The following PRKCA variants were observed in gnomAD, a reference collection of about 807,000 sequenced individuals.
PRKCA encodes protein kinase C alpha type.
In PRKCA, 27 loss-of-function variants were observed where a neutral mutation model predicts 87.0. The ratio of observed to expected loss-of-function variants is 0.31; its 90% CI spans 0.23 to 0.43. The LOEUF (loss-of-function observed/expected upper bound fraction) is 0.43, where lower values mean the gene tolerates loss of function less well. Among genes scored for constraint, PRKCA ranks in the 20% least tolerant of loss-of-function variants. The pLI is 1.00. For missense variants in PRKCA, 518 were observed against 852.3 expected (o/e 0.61, Z 4.88); for synonymous variants, 329 against 311.1 (o/e 1.06, Z -0.61).
At chr17:66,585,248 T>G (rs1969557732) in intron 3 of PRKCA, among the ~76,000 whole-genome samples, 1 of 152,152 alleles carries the variant, frequency 6.6e-6, no homozygotes, top group African/African-American at 2.4e-5. Context: ...CCTGCTTCTT[T>G]ATTGCACACC....
chr17:66,550,398 C>T (rs1968289116), intron 3 of PRKCA, among the ~76,000 whole-genome samples: 1 of 152,242 alleles, frequency 6.6e-6, no homozygotes, highest in South Asian at 2.1e-4. Context: ...TGTCTGTAAT[C>T]CCAACACTTT....
At chr17:66,545,237 G>A (rs1224227406) in intron 3 of PRKCA, among the ~76,000 whole-genome samples, 7 of 152,068 alleles carry the variant, frequency 4.6e-5, no homozygotes, top group South Asian at 2.1e-4. Context: ...GACCATCCTG[G>A]CTAACACGGT....
chr17:66,799,592 G>A (rs1379477301), intron 16 of PRKCA, among the ~76,000 whole-genome samples: 13 of 27,586 alleles, frequency 4.7e-4, no homozygotes, highest in Admixed American at 1.1e-3. Context: ...GATGGTGGTG[G>A]TGGTGATGGT....
At chr17:66,417,964 T>C (rs898099237) in intron 2 of PRKCA, among the ~76,000 whole-genome samples, 4 of 152,190 alleles carry the variant, frequency 2.6e-5, no homozygotes, top group Admixed American at 6.5e-5. Context: ...TGCACAGCAA[T>C]GTTGCACACT....
chr17:66,569,518 G>A (rs1969004744), intron 3 of PRKCA, among the ~76,000 whole-genome samples: 1 of 152,064 alleles, frequency 6.6e-6, no homozygotes, highest in Non-Finnish European at 1.5e-5. Context: ...GCAGTGAGCT[G>A]AGACCATGCC....
At chr17:66,556,715 C>G (rs1271786172) in intron 3 of PRKCA, among the ~76,000 whole-genome samples, 1 of 152,122 alleles carries the variant, frequency 6.6e-6, no homozygotes. Context: ...GGGGCTTCCC[C>G]CTTTGCTCAG....
intron 3 of PRKCA, among the ~76,000 whole-genome samples, chr17:66,562,802 G>A (rs950725341): frequency 1.3e-5 from 2 of 152,076 alleles, no homozygotes; most frequent in Non-Finnish European, 2.9e-5. Flanking sequence ...TCACCATGTT[G>A]GCCAGGCTAG....
At chr17:66,478,791 T>A (rs1915647311) in intron 2 of PRKCA, among the ~76,000 whole-genome samples, 1 of 152,186 alleles carries the variant, frequency 6.6e-6, no homozygotes, top group Non-Finnish European at 1.5e-5. Context: ...ATAGACTTTT[T>A]CTCTTGCAAC....
chr17:66,306,766 C>G (rs1426900767), intron 2 of PRKCA, among the ~76,000 whole-genome samples: 1 of 152,108 alleles, frequency 6.6e-6, no homozygotes, highest in Non-Finnish European at 1.5e-5. Flanking sequence ...TCACACACAT[C>G]GAATATCTAA....
chr17:66,698,372 A>G (rs1002395730), intron 8 of PRKCA, among the ~76,000 whole-genome samples: 5 of 152,218 alleles, frequency 3.3e-5, no homozygotes, highest in African/African-American at 1.2e-4. Context: ...TCAGAAAAAC[A>G]AGAGCTCAAT....
At chr17:66,471,645 A>ATTTT (rs554913573) in intron 2 of PRKCA, among the ~76,000 whole-genome samples, 55 of 137,910 alleles carry the variant, frequency 4.0e-4, no homozygotes, top group African/African-American at 1.2e-3. Flanking sequence ...CTGTTTTCTA[A>ATTTT]TTTTTTTTTT....
chr17:66,336,661 C>CTG (rs1567777782), intron 2 of PRKCA, among the ~76,000 whole-genome samples: 42 of 131,652 alleles, frequency 3.2e-4, no homozygotes, highest in African/African-American at 1.7e-3. Context: ...AAACATTTGC[C>CTG]TATATAGTAA....
At chr17:66,404,043 T>C (rs1217140146) in intron 2 of PRKCA, 1 of 152,232 alleles carries the variant, frequency 6.6e-6, no homozygotes, top group Non-Finnish European at 1.5e-5. Flanking sequence ...CGCTTCATCA[T>C]GTTGGAGGAA....
At chr17:66,550,297 C>G (rs1394284150) in intron 3 of PRKCA, among the ~76,000 whole-genome samples, 1 of 152,086 alleles carries the variant, frequency 6.6e-6, no homozygotes, top group African/African-American at 2.4e-5. Context: ...GAAAACGTGC[C>G]AAGTTTCTGC....
chr17:66,722,233 C>T (rs1449013935), intron 8 of PRKCA, among the ~76,000 whole-genome samples: 1 of 152,088 alleles, frequency 6.6e-6, no homozygotes, highest in African/African-American at 2.4e-5. Context: ...TTAAGTTAAA[C>T]CCTTTGAAAT....
intron 2 of PRKCA, among the ~76,000 whole-genome samples, chr17:66,467,721 C>CTAATTTTT (rs1186741904): frequency 3.3e-5 from 5 of 152,050 alleles, no homozygotes; most frequent in Non-Finnish European, 7.4e-5. Context: ...GTATGCCTAG[C>CTAATTTTT]TAATTTTTTA....
At chr17:66,562,455 C>T (rs1347724113) in intron 3 of PRKCA, among the ~76,000 whole-genome samples, 1 of 151,942 alleles carries the variant, frequency 6.6e-6, no homozygotes, top group Non-Finnish European at 1.5e-5. Flanking sequence ...CCCTGGAGGA[C>T]ACCTAAGGGG....
Position 66,689,447 on chromosome 17 carries a change from C to A in PRKCA, c.918+400C>A, listed in dbSNP as rs1175373233. Among the ~76,000 whole-genome samples, 1 of 152,188 alleles carries A rather than the reference C, an allele frequency of 6.6e-6. No homozygotes were observed. Among genetic ancestry groups the A allele is most frequent in the Non-Finnish European group, 1.5e-5 (1 of 68,032 alleles). On this transcript the variant is annotated intron_variant, in intron 8 of 16. Coordinates refer to ENST00000413366, the MANE Select transcript of PRKCA (RefSeq NM_002737.3). The surrounding 1 kb of genome is among the most constrained non-coding windows in gnomAD (Gnocchi z 4.1). Reference sequence around the variant, plus strand: ...GCTCATTTGTGTGTAATCAGGCTATCATCTGAGACTTTTTTTTTCTACAGA... The same window carrying A: ...GCTCATTTGTGTGTAATCAGGCTATAATCTGAGACTTTTTTTTTCTACAGA...
intron 12 of PRKCA, 24 bp from the exon 13 acceptor site, chr17:66,742,598 T>C (rs1974181405): frequency 6.2e-7 from 1 of 1,612,142 alleles, no homozygotes; most frequent in Non-Finnish European, 8.5e-7. Flanking sequence ...GGAAGGACTC[T>C]GATGTTAACC....
Sources: gnomAD v4.1 joint callset for allele counts (sites outside exome capture counted in the v4.1 genomes callset) on GRCh38, gnomAD v4.1.1 for gene constraint, Gnocchi (gnomAD v3.1) non-coding constraint, MANE v1.5 for transcripts, NCBI Gene and HGNC (gene_info 2026-07-23, HGNC 2026-07-21) for gene names.